The following FBL variants were observed in gnomAD, a reference collection of about 807,000 sequenced individuals.
FBL encodes rRNA 2'-O-methyltransferase fibrillarin.
FBL carries 10 observed loss-of-function variants against 42.2 expected under a neutral mutation model. The observed-to-expected ratio is 0.24, with a 90% CI of 0.15 to 0.40. The LOEUF (loss-of-function observed/expected upper bound fraction) is 0.40, where lower values mean the gene tolerates loss of function less well. Ranked by LOEUF, FBL falls within the 10% of genes least tolerant of loss-of-function variation. The pLI, the probability that FBL is intolerant of heterozygous loss-of-function variation, is 1.00. For synonymous variants in FBL, 165 were observed against 165.4 expected, an observed-to-expected ratio of 1.00 and a Z score of 0.02; for missense variants, 351 against 439.2, an observed-to-expected ratio of 0.80 and a Z score of 1.79.
intron 1 of FBL, among the ~76,000 whole-genome samples, chr19:39,843,368 C>A (rs1969196783): frequency 6.6e-6 from 1 of 152,216 alleles, no homozygotes; most frequent in African/African-American, 2.4e-5. Flanking sequence ...GCCGGTCACT[C>A]CCCTCAAGTA....
intron 1 of FBL, among the ~76,000 whole-genome samples, chr19:39,845,636 T>C (rs1454927199): frequency 1.3e-5 from 2 of 152,200 alleles, no homozygotes; most frequent in Non-Finnish European, 2.9e-5. Context: ...CCCAGACTAA[T>C]GCCGAGCTTG....
intron 1 of FBL, among the ~76,000 whole-genome samples, chr19:39,842,447 A>C (rs1332144732): frequency 6.6e-6 from 1 of 152,152 alleles, no homozygotes; most frequent in Non-Finnish European, 1.5e-5. Flanking sequence ...CATGCACCTT[A>C]ATGGTATTAA....
intron 1 of FBL, among the ~76,000 whole-genome samples, chr19:39,843,960 T>G (rs1489317433): frequency 1.3e-5 from 2 of 152,172 alleles, no homozygotes; most frequent in African/African-American, 4.8e-5. Context: ...AAAAAACACA[T>G]GTTCACACAA....
intron 5 of FBL, 196 bp downstream of exon 5, chr19:39,838,839 T>C (rs1261992461): frequency 5.4e-6 from 3 of 560,606 alleles, no homozygotes; most frequent in African/African-American, 1.9e-5. Context: ...TCTCTTCCCT[T>C]GAGGCCAAGA....
rs1254482398 is a variant in FBL at position 39,840,287 on chromosome 19, G to A, written c.324C>T (p.Thr108=). The part of the protein sequence containing the change: ...ICRGKEDALV[T]KNLVPGESVY... ...CTGATTCCCCAGGGACCAGGTTCTT[G>A]GTGACCAGTGCATCTTCCTTTCCTC... The change falls in exon 4 of 9, where the codon ACC becomes ACT. Residue 108 remains threonine, a synonymous_variant. Coordinates refer to ENST00000221801, the MANE Select transcript of FBL (RefSeq NM_001436.4). The surrounding 1 kb of genome is among the most constrained non-coding windows in gnomAD (Gnocchi z 4.5). 6.2e-7 allele frequency: 1 copy of A among 1,613,950 alleles called. No individual in the cohort carries two copies. Among genetic ancestry groups the A allele is most frequent in the African/African-American group, 1.3e-5 (1 of 74,878 alleles).
rs564084081 is a variant in FBL, at chr19:39,838,672, T to C, written c.549+363A>G. On this transcript the variant is annotated intron_variant, in intron 5 of 8. Transcript: ENST00000221801. ...AGGGGCCCTCTAAATGGGAAGCCTA[T>C]ACAGGCTCAGAAACCATGAAGATCT... is the stretch of plus-strand genomic sequence containing the variant. 1.2e-4 allele frequency: 22 copies of C among 184,466 alleles called. 1 individual carries two copies. In the South Asian group the frequency reaches 1.8e-3, roughly 15 times the overall value. The allele number at this position is 184,466 out of a possible 1,614,324, so 11.4% of individuals were successfully genotyped here. A position where few individuals can be genotyped will look rare whatever the true frequency, so the allele number is the denominator to read the frequency against.
rs1222341903 is a variant in FBL at position 39,836,576 on chromosome 19, G to A, written c.775C>T (p.His259Tyr). 3.1e-6 allele frequency: 5 copies of A among 1,612,722 alleles called. No homozygotes were observed. Among genetic ancestry groups the A allele is most frequent in the Middle Eastern group, 1.6e-4 (1 of 6,062 alleles). Residue 259 changes from histidine to tyrosine, a missense_variant, in exon 7 of 9, where the codon CAC becomes TAC. Physicochemically the swap from His to Tyr is moderately conservative, Grantham distance 83. Coordinates refer to ENST00000221801, the MANE Select transcript of FBL (RefSeq NM_001436.4). ...NAHTFLRNGG[H>Y]FVISIKANCI... ...CGCACCTTAATGGAAATCACAAAGTGTCCTCCATTACGCAGGAAGGTGTGG... is the reference window on the plus strand; with the variant it reads ...CGCACCTTAATGGAAATCACAAAGTATCCTCCATTACGCAGGAAGGTGTGG...
intron 1 of FBL, among the ~76,000 whole-genome samples, chr19:39,844,616 A>G (rs1309248306): frequency 1.3e-5 from 2 of 151,932 alleles, no homozygotes; most frequent in Non-Finnish European, 2.9e-5. Flanking sequence ...ACACCCACAT[A>G]CAATCTGTTG....
chr19:39,839,621 GGA>G (rs1159700543), intron 4 of FBL, among the ~76,000 whole-genome samples: 18 of 152,054 alleles, frequency 1.2e-4, no homozygotes, highest in African/African-American at 4.3e-4. Context: ...GAGAAGATAC[GGA>G]GTTTGGGAAG....
intron 5 of FBL, 77 bp from the exon 6 acceptor site, chr19:39,837,920 T>C (rs544109316): frequency 5.0e-4 from 613 of 1,230,320 alleles, no homozygotes; most frequent in Non-Finnish European, 6.6e-4. Context: ...CCATACACTA[T>C]ACACAGCATC....
In FBL at chr19:39,841,111, G is replaced by A. The variant is rs1035267900; in HGVS notation, c.11-324C>T. On this transcript the variant is annotated intron_variant, in intron 1 of 8. Transcript: ENST00000221801. Reference sequence around the variant, plus strand: ...TTTTGAGACAGGGTCTTGCTGTGCCGCCCAGGTTGGAGAGCAATGGCACAA... The same window carrying A: ...TTTTGAGACAGGGTCTTGCTGTGCCACCCAGGTTGGAGAGCAATGGCACAA... Among the ~76,000 whole-genome samples, 22 of 151,978 alleles carry A rather than the reference G, an allele frequency of 1.4e-4. No individual in the cohort carries two copies. The East Asian group carries it at 1.5e-3, about 11-fold the overall frequency.
chr19:39,837,485 G>C (rs748670580), intron 6 of FBL, among the ~76,000 whole-genome samples: 1 of 152,132 alleles, frequency 6.6e-6, no homozygotes, highest in Non-Finnish European at 1.5e-5. Context: ...ATGGGGAGGA[G>C]ACTGAAGGAG....
At chr19:39,837,045 G>A (rs577849530) in intron 6 of FBL, among the ~76,000 whole-genome samples, 5 of 152,196 alleles carry the variant, frequency 3.3e-5, no homozygotes, top group African/African-American at 4.8e-5. Context: ...AAGAGTGTCC[G>A]CAGGACTGTG....
chr19:39,841,951 G>C (rs1443408787), intron 1 of FBL, among the ~76,000 whole-genome samples: 3 of 152,160 alleles, frequency 2.0e-5, no homozygotes, highest in African/African-American at 7.2e-5. Flanking sequence ...GGTGCTAACA[G>C]ATTCAATATT....
At chr19:39,835,743 T>C (rs1969032429) in intron 7 of FBL, among the ~76,000 whole-genome samples, 1 of 151,782 alleles carries the variant, frequency 6.6e-6, no homozygotes, top group Admixed American at 6.6e-5. Context: ...CTGAGCAACA[T>C]GGCAAAACCC....
chr19:39,839,297 G>T (rs866240498), intron 4 of FBL, 92 bp from the exon 5 acceptor site: 2 of 991,600 alleles, frequency 2.0e-6, no homozygotes, highest in East Asian at 2.5e-5. Context: ...GAACTGGGCT[G>T]TCCTATCACT....
chr19:39,838,811 G>C (rs1969101054), intron 5 of FBL: 2 of 501,578 alleles, frequency 4.0e-6, no homozygotes, highest in South Asian at 6.8e-5. Context: ...CTCTAAGGTT[G>C]GTCACCCCAC....
chr19:39,844,552 C>G lies in FBL; in HGVS notation c.10+1739G>C, dbSNP rs1969223813. On this transcript the variant is annotated intron_variant, in intron 1 of 8. Coordinates refer to ENST00000221801, the MANE Select transcript of FBL (RefSeq NM_001436.4). ...CTTCTCCATCTCAAAAATGGCAATTCCATCCTTCCAGTTACACACCCCCAA... is the reference window on the plus strand; with the variant it reads ...CTTCTCCATCTCAAAAATGGCAATTGCATCCTTCCAGTTACACACCCCCAA... Among the ~76,000 whole-genome samples, 3 of 152,154 alleles carry G rather than the reference C, an allele frequency of 2.0e-5. No individual in the cohort carries two copies. The South Asian group carries it at 6.2e-4, about 31-fold the overall frequency.
chr19:39,844,708 G>A (rs1969227025), intron 1 of FBL, among the ~76,000 whole-genome samples: 1 of 152,132 alleles, frequency 6.6e-6, no homozygotes, highest in Admixed American at 6.6e-5. Context: ...CTAGATTACA[G>A]CAACAAGCTT....
Sources: gnomAD v4.1 joint callset for allele counts (sites outside exome capture counted in the v4.1 genomes callset) on GRCh38, gnomAD v4.1.1 for gene constraint, Gnocchi (gnomAD v3.1) non-coding constraint, MANE v1.5 for transcripts, NCBI Gene and HGNC (gene_info 2026-07-23, HGNC 2026-07-21) for gene names.